The following ZNF333 variants were observed in gnomAD, a reference collection of about 807,000 sequenced individuals.
The protein encoded by ZNF333 is zinc finger protein 333.
A neutral mutation model predicts 76.1 loss-of-function variants in ZNF333; 61 were observed. The observed-to-expected ratio is 0.80, with a 90% CI of 0.65 to 0.99. ZNF333 has a LOEUF of 0.99. ZNF333 is among the 50% of genes least tolerant of loss of function. ZNF333 has a pLI of 0.00. For synonymous variants in ZNF333, 284 were observed against 305.0 expected (o/e 0.93, Z 0.72); for missense variants, 717 against 822.4 (o/e 0.87, Z 1.57).
At chr19:14,705,241 T>C (rs1318181633) in intron 6 of ZNF333, 71 bp downstream of exon 6, 16 of 1,390,546 alleles carry the variant, frequency 1.2e-5, no homozygotes, top group Non-Finnish European at 1.6e-5. Flanking sequence ...GGGTTGTCTG[T>C]AAATTGGGGG....
rs751438565 is a variant in ZNF333, at chr19:14,718,728, C to G, written c.1401C>G (p.Ser467Arg). 1.2e-6 allele frequency: 2 copies of G among 1,613,538 alleles called. No homozygotes were observed. Among genetic ancestry groups the G allele is most frequent in the Non-Finnish European group, 8.5e-7 (1 of 1,179,882 alleles). Residue 467 changes from serine (S) to arginine (R), a missense_variant, in exon 12 of 12, where the codon AGC (serine) becomes AGG (arginine). Coordinates refer to ENST00000292530, the MANE Select transcript of ZNF333 (RefSeq NM_032433.4). ...KAFNQPSSLR[S>R]HVRTHTGEKP... ...TCAATCAGCCATCATCCCTCAGGAG[C>G]CACGTGAGAACTCACACTGGAGAGA...
intron 2 of ZNF333, 127 bp downstream of exon 2, chr19:14,693,621 A>AT: frequency 9.2e-6 from 11 of 1,192,150 alleles, no homozygotes; most frequent in Non-Finnish European, 1.3e-5. Flanking sequence ...GTGAGTGAGG[A>AT]GCATCCTCAT....
chr19:14,727,466 T>A (rs1476100938), intron 11 of ZNF333, among the ~76,000 whole-genome samples: 4 of 152,100 alleles, frequency 2.6e-5, no homozygotes, highest in African/African-American at 9.7e-5. Context: ...CATCACATAG[T>A]GAGACCAGGA....
chr19:14,732,787 G>A (rs1179795516), exon 12 of ZNF333: 1 of 152,212 alleles, frequency 6.6e-6, no homozygotes, highest in Non-Finnish European at 1.5e-5. Context: ...CACAATGGAA[G>A]TTCAAGTTCA....
In ZNF333 at chr19:14,698,925, T is replaced by TAGATAGATAG. The variant is rs1227508860; in HGVS notation, c.224-273_224-272insGATAGATAGA. ...ATATATATATATATATATATATATATATATATATATACACACATATATATT... is the reference window on the plus strand; with the variant it reads ...ATATATATATATATATATATATATATAGATAGATAGATATATATATACACACATATATATT... On this transcript the variant is annotated intron_variant, in intron 4 of 11. Coordinates refer to ENST00000292530, the MANE Select transcript of ZNF333 (RefSeq NM_032433.4). Among the ~76,000 whole-genome samples, 9 of 85,164 alleles carry TAGATAGATAG rather than the reference T, an allele frequency of 1.1e-4. 1 individual carries two copies. Among genetic ancestry groups the TAGATAGATAG allele is most frequent in the African/African-American group, 3.9e-4 (9 of 22,802 alleles). 55.9% of individuals were successfully genotyped at this position (85,164 alleles called of 152,430 possible). A position where few individuals can be genotyped will look rare whatever the true frequency, so the allele number is the denominator to read the frequency against.
chr19:14,698,893 A>AATATATATATAT (rs1555771012), intron 4 of ZNF333, among the ~76,000 whole-genome samples: 3 of 113,062 alleles, frequency 2.7e-5, no homozygotes, highest in African/African-American at 1.1e-4. Context: ...CACACACACA[A>AATATATATATAT]ATATAGATAT....
Position 14,720,865 on chromosome 19 carries a change from C to T in ZNF333, c.*1540C>T. On this transcript the variant is annotated 3_prime_UTR_variant, in exon 12 of 12. Coordinates refer to ENST00000292530, the MANE Select transcript of ZNF333 (RefSeq NM_032433.4). Reference sequence around the variant, plus strand: ...TTATGTATTGCTGAAAAATCTTTGTCATTCTGTCAGTTTTTAAATTTATGT... The same window carrying T: ...TTATGTATTGCTGAAAAATCTTTGTTATTCTGTCAGTTTTTAAATTTATGT... 8 of 951,104 alleles carry T rather than the reference C, an allele frequency of 8.4e-6. No individual in the cohort carries two copies. Among genetic ancestry groups the T allele is most frequent in the Non-Finnish European group, 1.0e-5 (8 of 798,906 alleles). 58.9% of individuals were successfully genotyped at this position (951,104 alleles called of 1,614,324 possible).
chr19:14,717,623 T>A (rs2042471815), intron 10 of ZNF333, 34 bp from the exon 11 acceptor site: 22 of 1,591,142 alleles, frequency 1.4e-5, no homozygotes, highest in Non-Finnish European at 1.8e-5. Flanking sequence ...TCTTTCTCTG[T>A]GTGCTTAACT....
chr19:14,694,717 C>T (rs964781448), intron 2 of ZNF333, among the ~76,000 whole-genome samples: 5 of 148,508 alleles, frequency 3.4e-5, no homozygotes, highest in Non-Finnish European at 7.4e-5. Context: ...TAACTTTACA[C>T]TTTAGGATTT....
At chr19:14,731,406 C>T (rs773654773) in exon 12 of ZNF333, 75 of 574,302 alleles carry the variant, frequency 1.3e-4, no homozygotes, top group Non-Finnish European at 2.1e-4. Context: ...TTCTGGCTTC[C>T]GGATTGTAGG....
intron 7 of ZNF333, among the ~76,000 whole-genome samples, chr19:14,712,597 G>A (rs574154450): frequency 3.3e-5 from 5 of 152,146 alleles, no homozygotes; most frequent in South Asian, 2.1e-4. Flanking sequence ...CGACAGGGCC[G>A]TGCTCCCTCT....
At chr19:14,715,907 C>T (rs1465773994) in intron 8 of ZNF333, among the ~76,000 whole-genome samples, 6 of 152,174 alleles carry the variant, frequency 3.9e-5, no homozygotes, top group Non-Finnish European at 7.3e-5. Context: ...TTGCCTCTTG[C>T]TGTTCTTACT....
Position 14,718,556 on chromosome 19 carries a change from G to A in ZNF333, c.1229G>A (p.Arg410Gln), listed in dbSNP as rs759068106. 24 of 1,614,120 alleles carry A rather than the reference G, an allele frequency of 1.5e-5. No individual in the cohort carries two copies. Among genetic ancestry groups the A allele is most frequent in the East Asian group, 2.2e-5 (1 of 44,894 alleles). ...GQAFKYSSNL[R>Q]RHMRTHTGEK... ...GCCTTCAAATATTCCTCGAATCTCC[G>A]GCGACACATGAGAACCCATACCGGA... The change falls in exon 12 of 12, where the codon CGG (arginine) becomes CAG (glutamine). Residue 410 changes from arginine (R) to glutamine (Q), a missense_variant. Coordinates refer to ENST00000292530, the MANE Select transcript of ZNF333 (RefSeq NM_032433.4).
chr19:14,694,993 T>A lies in ZNF333; in HGVS notation c.4-17T>A, dbSNP rs1267875040. ...GGGGGTGGTATTTGCCGAGCCAGAA[T>A]GTGTGTGCTGTTTTAGGAATCCGTC... On this transcript the variant is annotated splice_polypyrimidine_tract_variant and intron_variant, in intron 2 of 11. Transcript: ENST00000292530. 1 of 1,613,954 alleles carries A rather than the reference T, an allele frequency of 6.2e-7. No homozygotes were observed. The highest frequency in any genetic ancestry group is 8.5e-7 in the Non-Finnish European group (1 of 1,179,970).
rs1239417326 is a variant in ZNF333, at chr19:14,713,424, T to C, written c.512-1958T>C. ...AGAAAGATTTGAGCCAATGGTTGGA[T>C]ACATGGTCTGGTGTTCAGATGTGAG... On this transcript the variant is annotated intron_variant, in intron 7 of 11. Transcript: ENST00000292530. Among the ~76,000 whole-genome samples, 3 of 151,356 alleles carry C rather than the reference T, an allele frequency of 2.0e-5. No homozygotes were observed. The East Asian group carries it at 5.8e-4, about 29-fold the overall frequency.
At chr19:14,694,733 A>T (rs1422313300) in intron 2 of ZNF333, among the ~76,000 whole-genome samples, 2 of 131,784 alleles carry the variant, frequency 1.5e-5, no homozygotes, top group Non-Finnish European at 3.3e-5. Flanking sequence ...GATTTATCCA[A>T]ATGTTAAAAG....
intron 1 of ZNF333, among the ~76,000 whole-genome samples, chr19:14,691,633 C>G (rs1972780718): frequency 6.7e-6 from 1 of 148,186 alleles, no homozygotes; most frequent in South Asian, 2.1e-4. Context: ...AAGACAGGCA[C>G]TTTAAGTTAT....
At chr19:14,711,527 G>C (rs540742809) in intron 7 of ZNF333, among the ~76,000 whole-genome samples, 1 of 152,208 alleles carries the variant, frequency 6.6e-6, no homozygotes, top group Non-Finnish European at 1.5e-5. Flanking sequence ...AATTAGCCAG[G>C]CATGGTTGTG....
downstream of ZNF333, among the ~76,000 whole-genome samples, chr19:14,726,407 T>C (rs148830935): frequency 1.3e-5 from 2 of 152,356 alleles, no homozygotes; most frequent in African/African-American, 4.8e-5. Flanking sequence ...CACGTTAGTC[T>C]CTTCAGCAAG....
Sources: allele counts gnomAD v4.1 joint callset (sites outside exome capture counted in the v4.1 genomes callset), GRCh38; gene constraint gnomAD v4.1.1; transcripts MANE v1.5; gene names NCBI Gene and HGNC (gene_info 2026-07-23, HGNC 2026-07-21).